Variants in VARS2 observed in about 807,000 individuals in gnomAD.
VARS2 encodes the protein valine--tRNA ligase, mitochondrial.
Under a neutral mutation model 154.1 loss-of-function variants are expected in VARS2, and 105 were observed. The observed-to-expected ratio is 0.68, with a 90% confidence interval of 0.58 to 0.80. VARS2 has a LOEUF of 0.80. VARS2 is among the 30% of genes least tolerant of loss of function. The probability of loss-of-function intolerance (pLI) is 0.00; values close to 1 mark genes in which losing one functional copy is unlikely to be tolerated. For synonymous variants in VARS2, 483 were observed against 539.5 expected, an observed-to-expected ratio of 0.90 and a Z score of 1.45; for missense variants, 1,157 against 1,361.4, an observed-to-expected ratio of 0.85 and a Z score of 2.36.
chr6:30,920,117 T>G lies in VARS2; in HGVS notation c.1194T>G (p.Ser398Arg). ...CAGTGAAGGTGACTCCAGCTCACAG[T>G]CCTGCCGATGCTGAGATGGGGGCCC... ...TGAVKVTPAHSPADAEMGARH... is the reference protein window; with the variant it reads ...TGAVKVTPAHRPADAEMGARH... Residue 398 changes from serine (S) to arginine (R), a missense_variant, in exon 13 of 30, where the codon AGT becomes AGG. Ser to Arg is a moderately radical substitution (Grantham distance 110). Coordinates refer to ENST00000676266, the MANE Select transcript of VARS2 (RefSeq NM_020442.6). The surrounding 1 kb of genome is among the most constrained non-coding windows in gnomAD (Gnocchi z 4.6). 1 of 1,575,854 alleles carries G rather than the reference T, an allele frequency of 6.3e-7. No individual in the cohort carries two copies. The highest frequency in any genetic ancestry group is 8.6e-7 in the Non-Finnish European group (1 of 1,160,798).
intron 19 of VARS2, 55 bp from the exon 20 acceptor site, chr6:30,922,061 A>G: frequency 6.2e-7 from 1 of 1,612,698 alleles, no homozygotes; most frequent in Non-Finnish European, 8.5e-7. Context: ...GGGCCCCCAC[A>G]GAGGCTTGAG....
At chr6:30,914,526 C>G (rs1052469407) in intron 1 of VARS2, 182 bp downstream of exon 1, 1 of 1,338,842 alleles carries the variant, frequency 7.5e-7, no homozygotes, top group Non-Finnish European at 9.6e-7. Flanking sequence ...CGCGCTGATG[C>G]CCATCATCTC....
chr6:30,914,256 G>A lies in VARS2; in HGVS notation c.-116G>A. 1.2e-6 allele frequency: 1 copy of A among 802,306 alleles called. No homozygotes were observed. Among genetic ancestry groups the A allele is most frequent in the Non-Finnish European group, 1.7e-6 (1 of 593,466 alleles). 49.7% of individuals were successfully genotyped at this position (802,306 alleles called of 1,614,324 possible). On this transcript the variant is annotated 5_prime_UTR_variant, in exon 1 of 30. Coordinates refer to ENST00000676266, the MANE Select transcript of VARS2 (RefSeq NM_020442.6). ...GGGCCCCGCCCCCATGCGCCGCGCG[G>A]CTCCAGGGCCACGTTCCAGGGTCGG...
chr6:30,916,460 G>A lies in VARS2; in HGVS notation c.671+211G>A, dbSNP rs1384593464. 7.9e-6 allele frequency: 3 copies of A among 378,380 alleles called. No homozygotes were observed. The highest frequency in any genetic ancestry group is 4.6e-5 in the African/African-American group (2 of 43,562). 23.4% of individuals were successfully genotyped at this position (378,380 alleles called of 1,614,324 possible). On this transcript the variant is annotated intron_variant, in intron 7 of 29. Coordinates refer to ENST00000676266, the MANE Select transcript of VARS2 (RefSeq NM_020442.6). This position sits in a 1 kb window ranked among gnomAD's most constrained non-coding sequence, Gnocchi z 4.0. ...TATATGCATTAGAATATTCGTGTGT[G>A]TGTGTGTGTGTGTGTGTATTTATAT...
At position 30,915,170 on chromosome 6, in the gene VARS2, C is replaced by T. The variant is rs1794071678; in HGVS notation, c.216C>T (p.Ser72=). ...TCTCTTCTCAGTCACCTGCAGAATC[C>T]ATTAAGGCCTGGAGGCCTAAGGAGT... ...IAGESKSPAE[S]IKAWRPKELV... The change falls in exon 3 of 30, where the codon TCC becomes TCT. Residue 72 remains serine (S), a synonymous_variant. Transcript: ENST00000676266. The T allele has an allele frequency of 6.2e-7, 1 of 1,614,194 alleles. No individual in the cohort carries two copies. The highest frequency in any genetic ancestry group is 8.5e-7 in the Non-Finnish European group (1 of 1,180,008).
chr6:30,914,280 G>A lies in VARS2; in HGVS notation c.-92G>A, dbSNP rs1052857873. 9 of 941,084 alleles carry A rather than the reference G, an allele frequency of 9.6e-6. No individual in the cohort carries two copies. Among genetic ancestry groups the A allele is most frequent in the Admixed American group, 4.3e-5 (1 of 23,362 alleles). The allele number at this position is 941,084 out of a possible 1,614,324, so 58.3% of individuals were successfully genotyped here. A position where few individuals can be genotyped will look rare whatever the true frequency, so the allele number is the denominator to read the frequency against. On this transcript the variant is annotated 5_prime_UTR_variant, in exon 1 of 30. Coordinates refer to ENST00000676266, the MANE Select transcript of VARS2 (RefSeq NM_020442.6). ...GGCTCCAGGGCCACGTTCCAGGGTC[G>A]GGTTTGGTGGATTCCTCAGTCCCTG...
chr6:30,925,869 T>C lies in VARS2; in HGVS notation c.2962-11T>C. On this transcript the variant is annotated splice_polypyrimidine_tract_variant and intron_variant, in intron 28 of 29. Coordinates refer to ENST00000676266, the MANE Select transcript of VARS2 (RefSeq NM_020442.6). ...CGGATGTCTGAGCCTTTTCTCCCTG[T>C]TCTTCCCCAGGGCCTGGTGGACCCG... The C allele has an allele frequency of 6.2e-7, 1 of 1,612,486 alleles. No homozygotes were observed. The highest frequency in any genetic ancestry group is 8.5e-7 in the Non-Finnish European group (1 of 1,180,022).
intron 1 of VARS2, 109 bp downstream of exon 1, chr6:30,914,453 AG>A: frequency 9.2e-6 from 12 of 1,300,182 alleles, no homozygotes; most frequent in Non-Finnish European, 1.2e-5. Flanking sequence ...TGGGCACTGC[AG>A]GAGGCCCCTG....
At chr6:30,925,466 A>AC (rs1026648781) in intron 27 of VARS2, 78 bp from the exon 28 acceptor site, 18 of 1,562,906 alleles carry the variant, frequency 1.2e-5, no homozygotes, top group South Asian at 3.5e-5. Context: ...TGAAGGGCCA[A>AC]CCCCCCCGTT....
At position 30,919,832 on chromosome 6, in the gene VARS2, G is replaced by A. The variant is rs1171084126; in HGVS notation, c.1149G>A (p.Gln383=). Residue 383 remains glutamine, a synonymous_variant, in exon 12 of 30, where the codon CAG becomes CAA. Transcript: ENST00000676266. This position sits in a 1 kb window ranked among gnomAD's most constrained non-coding sequence, Gnocchi z 4.5. ...CCCTCATCACAGACTATGCTGTTCAGCCACATGTGGGCACGGGTGAGTGGA... is the reference window on the plus strand; with the variant it reads ...CCCTCATCACAGACTATGCTGTTCAACCACATGTGGGCACGGGTGAGTGGA... ...PLPLITDYAV[Q]PHVGTGAVKV... 3 of 1,586,738 alleles carry A rather than the reference G, an allele frequency of 1.9e-6. No individual in the cohort carries two copies. Among genetic ancestry groups the A allele is most frequent in the Admixed American group, 3.5e-5 (2 of 57,952 alleles).
chr6:30,922,380 A>G, intron 20 of VARS2, 70 bp from the exon 21 acceptor site: 1 of 1,606,082 alleles, frequency 6.2e-7, no homozygotes, highest in Non-Finnish European at 8.5e-7. Context: ...TACCCCCAAA[A>G]GTATGGAGGC....
chr6:30,923,217 C>T lies in VARS2; in HGVS notation c.2299C>T (p.Gln767Ter), dbSNP rs1794643347. The change falls in exon 24 of 30, where the codon CAG becomes TAG. Residue 767 changes from glutamine to a stop codon, truncating the protein, a stop_gained. Transcript: ENST00000676266. LOFTEE classifies it high-confidence loss of function. ...LNALGEKFVP[Q>*]PAEELSPSSP... is the part of the protein sequence containing the mutation. Reference sequence around the variant, plus strand: ...TGCTTTAGGGGAGAAATTTGTGCCACAGCCTGCTGAGGAGGTAAGAGAAAA... The same window carrying T: ...TGCTTTAGGGGAGAAATTTGTGCCATAGCCTGCTGAGGAGGTAAGAGAAAA... 5.0e-6 allele frequency: 8 copies of T among 1,613,018 alleles called. No homozygotes were observed. The highest frequency in any genetic ancestry group is 6.8e-6 in the Non-Finnish European group (8 of 1,180,048).
rs143862794 is a variant in VARS2 at position 30,916,981 on chromosome 6, C to A, written c.753+22C>A. ...TGTTGTGAGTGTTCTGTGCCTTGGT[C>A]CCTGTGAGTGATGGGCGATGTTTAG... On this transcript the variant is annotated intron_variant, in intron 8 of 29. Coordinates refer to ENST00000676266, the MANE Select transcript of VARS2 (RefSeq NM_020442.6). This position sits in a 1 kb window ranked among gnomAD's most constrained non-coding sequence, Gnocchi z 4.0. The A allele has an allele frequency of 1.5e-4, 240 of 1,613,972 alleles. 1 individual carries two copies. In the African/African-American group the frequency reaches 2.3e-3, roughly 16 times the overall value.
Position 30,919,802 on chromosome 6 carries a change from T to C in VARS2, c.1119T>C (p.Pro373=). 6.3e-7 allele frequency: 1 copy of C among 1,596,678 alleles called. No homozygotes were observed. Among genetic ancestry groups the C allele is most frequent in the African/African-American group, 1.3e-5 (1 of 74,684 alleles). ...TTCGTCACCCCTTGATGGGGCAGCC[T>C]CTTCCCCTCATCACAGACTATGCTG... ...RQLRHPLMGQ[P]LPLITDYAVQ... Residue 373 remains proline (P), a synonymous_variant, in exon 12 of 30, where the codon CCT becomes CCC. Coordinates refer to ENST00000676266, the MANE Select transcript of VARS2 (RefSeq NM_020442.6). This position sits in a 1 kb window ranked among gnomAD's most constrained non-coding sequence, Gnocchi z 4.5.
intron 25 of VARS2, 71 bp from the exon 26 acceptor site, chr6:30,924,283 G>A (rs372772633): frequency 4.0e-5 from 62 of 1,536,490 alleles, no homozygotes; most frequent in South Asian, 2.5e-4. Flanking sequence ...CCCCACTGGC[G>A]GGTAGCAGTG....
In VARS2 at chr6:30,916,978, G is replaced by C. The variant is rs748007370; in HGVS notation, c.753+19G>C. On this transcript the variant is annotated intron_variant, in intron 8 of 29. Coordinates refer to ENST00000676266, the MANE Select transcript of VARS2 (RefSeq NM_020442.6). The surrounding 1 kb of genome is among the most constrained non-coding windows in gnomAD (Gnocchi z 4.0). Reference sequence around the variant, plus strand: ...GGATGTTGTGAGTGTTCTGTGCCTTGGTCCCTGTGAGTGATGGGCGATGTT... The same window carrying C: ...GGATGTTGTGAGTGTTCTGTGCCTTCGTCCCTGTGAGTGATGGGCGATGTT... The C allele has an allele frequency of 3.7e-6, 6 of 1,614,024 alleles. No homozygotes were observed. Among genetic ancestry groups the C allele is most frequent in the Non-Finnish European group, 5.1e-6 (6 of 1,180,022 alleles).
chr6:30,915,724 T>C (rs1794113310), intron 4 of VARS2, 22 bp from the exon 5 acceptor site: 2 of 1,612,256 alleles, frequency 1.2e-6, no homozygotes, highest in Non-Finnish European at 8.5e-7. Context: ...TCTTGCCCCT[T>C]TGACTTTTTT....
Position 30,922,545 on chromosome 6 carries a change from G to A in VARS2, c.2028G>A (p.Val676=), listed in dbSNP as rs1220094190. Residue 676 remains valine, a synonymous_variant, in exon 21 of 30, where the codon GTG becomes GTA. Coordinates refer to ENST00000676266, the MANE Select transcript of VARS2 (RefSeq NM_020442.6). The stretch of plus-strand genomic sequence containing the variant: ...ACCCAAGAGACATCATCAGTGGGGT[G>A]GAGATGCAGGTGAGGACGAAGCACC... ...VLDPRDIISG[V]EMQVLQEKLR... 6.4e-7 allele frequency: 1 copy of A among 1,561,992 alleles called. No homozygotes were observed. The highest frequency in any genetic ancestry group is 8.7e-7 in the Non-Finnish European group (1 of 1,153,960).
chr6:30,925,470 C>T (rs990413140), intron 27 of VARS2, 74 bp from the exon 28 acceptor site: 64 of 1,562,452 alleles, frequency 4.1e-5, no homozygotes, highest in Non-Finnish European at 5.5e-5. Flanking sequence ...GGGCCAACCC[C>T]CCCGTTAGGA....
Sources: gnomAD v4.1 joint callset for allele counts on GRCh38, gnomAD v4.1.1 for gene constraint, Gnocchi (gnomAD v3.1) non-coding constraint, MANE v1.5 for transcripts, NCBI Gene and HGNC (gene_info 2026-07-23, HGNC 2026-07-21) for gene names.